The following CACNG2 variants were observed in gnomAD, a reference collection of about 807,000 sequenced individuals.
The protein encoded by CACNG2 is voltage-dependent calcium channel gamma-2 subunit.
CACNG2 carries 3 observed loss-of-function variants against 25.9 expected under a neutral mutation model. The observed-to-expected ratio is 0.12, with a 90% CI of 0.05 to 0.30. The LOEUF is 0.30. CACNG2 is among the 10% of genes least tolerant of loss of function. CACNG2 has a pLI of 1.00. For missense variants in CACNG2, 341 were observed against 432.5 expected (o/e 0.79, Z 1.88); for synonymous variants, 167 against 173.3 (o/e 0.96, Z 0.29).
intron 1 of CACNG2, among the ~76,000 whole-genome samples, chr22:36,624,153 A>G (rs982982666): frequency 6.6e-6 from 1 of 152,156 alleles, no homozygotes; most frequent in Admixed American, 6.5e-5. Flanking sequence ...CATGATTTGG[A>G]ATTCTAGAAT....
At chr22:36,583,262 G>A (rs372469603) in intron 2 of CACNG2, among the ~76,000 whole-genome samples, 12 of 152,040 alleles carry the variant, frequency 7.9e-5, no homozygotes, top group African/African-American at 2.4e-4. Flanking sequence ...GCAAAATCCC[G>A]TCTCTACTAA....
intron 1 of CACNG2, among the ~76,000 whole-genome samples, chr22:36,631,878 G>A (rs1164284254): frequency 1.3e-5 from 2 of 152,042 alleles, no homozygotes; most frequent in African/African-American, 4.8e-5. Flanking sequence ...GGCTAGGGCT[G>A]GACCTCAGGC....
intron 2 of CACNG2, among the ~76,000 whole-genome samples, chr22:36,571,318 G>A (rs976749707): frequency 2.6e-5 from 4 of 152,004 alleles, no homozygotes; most frequent in Admixed American, 1.3e-4. Context: ...TTAGCCGGGC[G>A]TGACGGTAAG....
intron 1 of CACNG2, among the ~76,000 whole-genome samples, chr22:36,701,164 C>T (rs1937407038): frequency 6.6e-6 from 1 of 152,176 alleles, no homozygotes; most frequent in South Asian, 2.1e-4. Context: ...CAAACGGCCC[C>T]CAGTATTGGT....
chr22:36,601,668 A>G (rs1217006818), intron 1 of CACNG2, among the ~76,000 whole-genome samples: 1 of 152,058 alleles, frequency 6.6e-6, no homozygotes, highest in African/African-American at 2.4e-5. Context: ...TATTTTTAGT[A>G]GAGAGAGGGT....
At chr22:36,636,336 C>A (rs926273656) in intron 1 of CACNG2, among the ~76,000 whole-genome samples, 4 of 152,116 alleles carry the variant, frequency 2.6e-5, no homozygotes, top group African/African-American at 9.7e-5. Flanking sequence ...AGCTTCACAC[C>A]TACATGCCAT....
chr22:36,656,005 A>T (rs1936700947), intron 1 of CACNG2, among the ~76,000 whole-genome samples: 1 of 151,952 alleles, frequency 6.6e-6, no homozygotes. Context: ...ACAGGGTTTC[A>T]CCATGTTGAC....
At chr22:36,580,265 C>A (rs906299447) in intron 2 of CACNG2, among the ~76,000 whole-genome samples, 5 of 152,234 alleles carry the variant, frequency 3.3e-5, no homozygotes, top group Admixed American at 3.3e-4. Context: ...ATTCACCCCC[C>A]AGACGGCCAT....
Position 36,566,379 on chromosome 22 carries a change from C to G in CACNG2, c.410G>C (p.Ser137Thr). ...TGCAGACACGAAGAAGATGCCGGCA[C>G]TCAGGATGATGTTGTGTCGAGTTTT... Reference protein sequence around the residue: ...FYKTRHNIILSAGIFFVSAGL... With the variant: ...FYKTRHNIILTAGIFFVSAGL... Residue 137 changes from serine to threonine, a missense_variant, in exon 3 of 4, where the codon AGT (serine) becomes ACT (threonine). Physicochemically the swap from Ser to Thr is moderately conservative, Grantham distance 58. Transcript: ENST00000300105. 6.2e-6 allele frequency: 10 copies of G among 1,614,152 alleles called. No individual in the cohort carries two copies. The highest frequency in any genetic ancestry group is 8.5e-6 in the Non-Finnish European group (10 of 1,180,034).
chr22:36,666,423 A>ATAAAT (rs1555900157), intron 1 of CACNG2, among the ~76,000 whole-genome samples: 19 of 151,518 alleles, frequency 1.3e-4, no homozygotes, highest in African/African-American at 2.9e-4. Context: ...AAATAAATAA[A>ATAAAT]TAAATAAATA....
At chr22:36,664,333 G>T (rs2145986911) in intron 1 of CACNG2, among the ~76,000 whole-genome samples, 1 of 152,240 alleles carries the variant, frequency 6.6e-6, no homozygotes, top group East Asian at 1.9e-4. Context: ...AATGCTTATT[G>T]ATCGCCTACT....
At chr22:36,700,089 G>A (rs1021755507) in intron 1 of CACNG2, among the ~76,000 whole-genome samples, 5 of 152,244 alleles carry the variant, frequency 3.3e-5, no homozygotes, top group African/African-American at 7.2e-5. Context: ...AGTACTGCCC[G>A]GGGGTAGTGA....
chr22:36,601,346 T>C (rs752131541), intron 1 of CACNG2, among the ~76,000 whole-genome samples: 1 of 152,230 alleles, frequency 6.6e-6, no homozygotes, highest in Non-Finnish European at 1.5e-5. Context: ...TCTCCCTTTT[T>C]AAAGGCTGAA....
At chr22:36,577,650 GAA>G (rs544986089) in intron 2 of CACNG2, among the ~76,000 whole-genome samples, 34,257 of 113,958 alleles carry the variant, frequency 0.3, 4,562 homozygotes, top group Non-Finnish European at 0.32. Flanking sequence ...CTCCGTCTTG[GAA>G]AAAAAAAAAA....
At position 36,595,854 on chromosome 22, in the gene CACNG2, C is replaced by T. The variant is rs537678544; in HGVS notation, c.212-8306G>A. On this transcript the variant is annotated intron_variant, in intron 1 of 3. Coordinates refer to ENST00000300105, the MANE Select transcript of CACNG2 (RefSeq NM_006078.5). Reference sequence around the variant, plus strand: ...TGAGTGAGTTCAGGCCCCGCTGAGGCGGAAAGGCCAAGGGCTGTGCCGTGG... The same window carrying T: ...TGAGTGAGTTCAGGCCCCGCTGAGGTGGAAAGGCCAAGGGCTGTGCCGTGG... Among the ~76,000 whole-genome samples, 12 of 152,222 alleles carry T rather than the reference C, an allele frequency of 7.9e-5. No homozygotes were observed. In the South Asian group the frequency reaches 8.3e-4, roughly 11 times the overall value.
chr22:36,679,212 T>TTCTTTCTTTCTC (rs1937062211), intron 1 of CACNG2, among the ~76,000 whole-genome samples: 2 of 144,884 alleles, frequency 1.4e-5, no homozygotes, highest in South Asian at 2.2e-4. Context: ...CTTTCTTTCT[T>TTCTTTCTTTCTC]TCTTTCTTTC....
At chr22:36,654,932 A>C (rs994986375) in intron 1 of CACNG2, among the ~76,000 whole-genome samples, 1 of 151,910 alleles carries the variant, frequency 6.6e-6, no homozygotes, top group Non-Finnish European at 1.5e-5. Context: ...AGTCAGGAAA[A>C]GTGTGGATAG....
intron 1 of CACNG2, among the ~76,000 whole-genome samples, chr22:36,635,145 G>A (rs1207119690): frequency 1.3e-5 from 2 of 152,140 alleles, no homozygotes. Context: ...TTAGCCAGGT[G>A]TGGTGGCAAG....
intron 1 of CACNG2, among the ~76,000 whole-genome samples, chr22:36,635,069 G>A (rs1222303290): frequency 6.6e-6 from 1 of 152,138 alleles, no homozygotes. Flanking sequence ...GGATCACGAG[G>A]TCAGGAGATC....
Sources: gnomAD v4.1 joint callset for allele counts (sites outside exome capture counted in the v4.1 genomes callset) on GRCh38, gnomAD v4.1.1 for gene constraint, MANE v1.5 for transcripts, NCBI Gene and HGNC (gene_info 2026-07-23, HGNC 2026-07-21) for gene names.